The following HERC3 variants were observed in gnomAD, a reference collection of about 807,000 sequenced individuals.
HERC3 encodes the protein probable E3 ubiquitin-protein ligase HERC3.
In HERC3, 58 loss-of-function variants were observed where a neutral mutation model predicts 129.9. That is an observed-to-expected ratio of 0.45 (90% confidence interval 0.36 to 0.56). The LOEUF (loss-of-function observed/expected upper bound fraction) is 0.56. HERC3 is among the 20% of genes least tolerant of loss of function. HERC3 has a pLI of 0.00. For synonymous variants in HERC3, 430 were observed against 451.0 expected (o/e 0.95, Z 0.59); for missense variants, 835 against 1,244.2 (o/e 0.67, Z 4.95).
At position 88,652,906 on chromosome 4, in the gene HERC3, G is replaced by A. The variant is rs1279173527; in HGVS notation, c.501G>A (p.Gly167=). 3 of 1,613,526 alleles carry A rather than the reference G, an allele frequency of 1.9e-6. No homozygotes were observed. In the South Asian group the frequency reaches 3.3e-5, roughly 18 times the overall value. The change falls in exon 6 of 26, where the codon GGG becomes GGA. Residue 167 remains glycine, a synonymous_variant. Transcript: ENST00000402738. ...TCACCTGGGGAAAGAACAGCCATGGGCAGCTTGGCTTAGGGAAGGAGTTCC... is the reference window on the plus strand; with the variant it reads ...TCACCTGGGGAAAGAACAGCCATGGACAGCTTGGCTTAGGGAAGGAGTTCC... ...QFFTWGKNSH[G]QLGLGKEFPS...
the HERC3 span, among the ~76,000 whole-genome samples, chr4:88,539,826 C>T: frequency 6.6e-6 from 1 of 152,192 alleles, no homozygotes; most frequent in African/African-American, 2.4e-5. Context: ...CAAACTCCAA[C>T]AGAACTATAG....
chr4:88,599,908 T>C (rs906050681), intron 2 of HERC3, among the ~76,000 whole-genome samples: 1 of 152,200 alleles, frequency 6.6e-6, no homozygotes, highest in Non-Finnish European at 1.5e-5. Context: ...TGCAGACACA[T>C]TGGGAAGTCT....
In HERC3 at chr4:88,655,969, G is replaced by A. The variant is rs780986349; in HGVS notation, c.1003G>A (p.Val335Ile). Reference protein sequence around the residue: ...GQLGTGHTCNVKCPSPVKGYW... With the variant: ...GQLGTGHTCNIKCPSPVKGYW... ...ATTAGGAACTGGGCACACTTGTAATGTTAAGTGCCCATCTCCTGTCAAGGG... is the reference window on the plus strand; with the variant it reads ...ATTAGGAACTGGGCACACTTGTAATATTAAGTGCCCATCTCCTGTCAAGGG... Residue 335 changes from valine to isoleucine, a missense_variant, in exon 9 of 26, where the codon GTT (valine) becomes ATT (isoleucine). Val to Ile is a conservative substitution (Grantham distance 29). Coordinates refer to ENST00000402738, the MANE Select transcript of HERC3 (RefSeq NM_014606.3). 12 of 1,614,000 alleles carry A rather than the reference G, an allele frequency of 7.4e-6. No homozygotes were observed. In the Admixed American group the frequency reaches 1.7e-4, roughly 22 times the overall value.
At chr4:88,589,140 A>C (rs1249556215), upstream of HERC3, among the ~76,000 whole-genome samples, 1 of 152,066 alleles carries the variant, frequency 6.6e-6, no homozygotes, top group East Asian at 1.9e-4. Flanking sequence ...TCCAGGCTGG[A>C]GTGCAGTGGT....
At chr4:88,661,647 G>A (rs1454726040) in intron 10 of HERC3, among the ~76,000 whole-genome samples, 1 of 152,196 alleles carries the variant, frequency 6.6e-6, no homozygotes, top group Admixed American at 6.5e-5. Context: ...AAAGGAAAGT[G>A]CTTATTATGT....
chr4:88,660,223 A>G (rs1482127095), intron 10 of HERC3, among the ~76,000 whole-genome samples: 1 of 150,234 alleles, frequency 6.7e-6, no homozygotes, highest in Admixed American at 6.6e-5. Context: ...TTTTTTTGAG[A>G]TGGAGTCTTG....
intron 7 of HERC3, 32 bp from the exon 8 acceptor site, chr4:88,655,142 A>T: frequency 6.2e-7 from 1 of 1,612,464 alleles, no homozygotes; most frequent in South Asian, 1.1e-5. Context: ...TTAAAGATAC[A>T]GTGAAGTCCT....
At position 88,689,940 on chromosome 4, in the gene HERC3, A is replaced by ATTT; in HGVS notation, c.2657+2649_2657+2651dup. 9 of 841,068 alleles carry ATTT rather than the reference A, an allele frequency of 1.1e-5. No homozygotes were observed. In the African/African-American group the frequency reaches 1.5e-4, roughly 14 times the overall value. 52.1% of individuals were successfully genotyped at this position (841,068 alleles called of 1,614,324 possible). ...TGATCTCATACATCATTCATTAACC[A>ATTT]TTTTTTTTTTGTCATGTTAACCTTC... On this transcript the variant is annotated intron_variant, in intron 23 of 25. Coordinates refer to ENST00000402738, the MANE Select transcript of HERC3 (RefSeq NM_014606.3).
Position 88,606,066 on chromosome 4 carries a change from T to C in HERC3, c.226+17T>C. ...ACAAGCCAGGTAAGTGCACCTTATC[T>C]GTCTTGATTATTGGTGAGAATGGAA... On this transcript the variant is annotated intron_variant, in intron 3 of 25. Transcript: ENST00000402738. 2 of 1,592,218 alleles carry C rather than the reference T, an allele frequency of 1.3e-6. No homozygotes were observed. The highest frequency in any genetic ancestry group is 1.7e-6 in the Non-Finnish European group (2 of 1,162,712).
chr4:88,690,455 C>T (rs1733960634), intron 23 of HERC3: 2 of 985,328 alleles, frequency 2.0e-6, no homozygotes, highest in Non-Finnish European at 2.4e-6. Context: ...TTAGCTTTTG[C>T]ATTAAGTTTC....
chr4:88,642,731 T>A lies in HERC3; in HGVS notation c.227-7109T>A, dbSNP rs79938232. On this transcript the variant is annotated intron_variant, in intron 3 of 25. Coordinates refer to ENST00000402738, the MANE Select transcript of HERC3 (RefSeq NM_014606.3). The stretch of plus-strand genomic sequence containing the variant: ...CATGAGGGCTTTGCCCTCATGACCT[T>A]ATCACTTCTCAAAAGGCTGCAATAC... 4.4e-4 allele frequency among the ~76,000 whole-genome samples: 67 copies of A among 152,282 alleles called. 1 individual carries two copies. The highest frequency in any genetic ancestry group is 1.4e-3 in the African/African-American group (58 of 41,574).
intron 3 of HERC3, among the ~76,000 whole-genome samples, chr4:88,646,221 C>G (rs999303254): frequency 6.6e-6 from 1 of 152,114 alleles, no homozygotes; most frequent in Admixed American, 6.6e-5. Context: ...ATCCATCTAC[C>G]CCCTAGACTC....
the HERC3 span, among the ~76,000 whole-genome samples, chr4:88,526,219 A>G: frequency 1.3e-5 from 2 of 152,220 alleles, no homozygotes; most frequent in Non-Finnish European, 2.9e-5. Flanking sequence ...TTTAACTGAA[A>G]TGGAATTTTT....
intron 3 of HERC3, among the ~76,000 whole-genome samples, chr4:88,649,277 A>G (rs748889712): frequency 1.3e-5 from 2 of 152,142 alleles, no homozygotes; most frequent in Non-Finnish European, 2.9e-5. Context: ...GGGATGCACA[A>G]ATGTCACTAT....
chr4:88,698,857 G>A (rs1218135556), intron 23 of HERC3, among the ~76,000 whole-genome samples: 3 of 116,646 alleles, frequency 2.6e-5, no homozygotes, highest in South Asian at 5.4e-4. Context: ...CCGCCGCACT[G>A]TCCTTTTCCC....
chr4:88,627,115 C>T (rs1726186095), intron 3 of HERC3, among the ~76,000 whole-genome samples: 1 of 151,954 alleles, frequency 6.6e-6, no homozygotes, highest in Non-Finnish European at 1.5e-5. Context: ...GTTTAAAATA[C>T]TTTGTAATAA....
Position 88,622,809 on chromosome 4 carries a change from A to G in HERC3, c.226+16760A>G, listed in dbSNP as rs189495700. The stretch of plus-strand genomic sequence containing the variant: ...CTGGGTGTGGTGGTGTGTGTCTGTA[A>G]TCCCAGCTACTCGGGAGGCTGAGGC... On this transcript the variant is annotated intron_variant, in intron 3 of 25. Transcript: ENST00000402738. Among the ~76,000 whole-genome samples the G allele has an allele frequency of 4.6e-5, 7 of 152,156 alleles. 1 individual carries two copies. In the East Asian group the frequency reaches 1.2e-3, roughly 25 times the overall value.
chr4:88,698,423 G>A (rs1734905616), intron 23 of HERC3, among the ~76,000 whole-genome samples: 2 of 152,030 alleles, frequency 1.3e-5, no homozygotes, highest in African/African-American at 4.8e-5. Flanking sequence ...TGGCAAGGTC[G>A]TCTCTCAGCA....
chr4:88,633,241 A>C (rs565689137), intron 3 of HERC3, among the ~76,000 whole-genome samples: 38 of 152,348 alleles, frequency 2.5e-4, no homozygotes, highest in African/African-American at 8.2e-4. Flanking sequence ...GAAGTTTTTC[A>C]GACAGAAGGG....
Sources: gnomAD v4.1 joint callset for allele counts (sites outside exome capture counted in the v4.1 genomes callset) on GRCh38, gnomAD v4.1.1 for gene constraint, MANE v1.5 for transcripts, NCBI Gene and HGNC (gene_info 2026-07-23, HGNC 2026-07-21) for gene names.